Variants in ZNF536 observed in about 807,000 individuals in gnomAD.
The protein encoded by ZNF536 is zinc finger protein 536.
In ZNF536, 13 loss-of-function variants were observed where a neutral mutation model predicts 84.5. That is an observed-to-expected ratio of 0.15 (90% CI 0.10 to 0.24). ZNF536 has a LOEUF of 0.24. Ranked by LOEUF, ZNF536 falls within the 10% of genes least tolerant of loss-of-function variation. The pLI is 1.00. For missense variants in ZNF536, 1,536 were observed against 1,747.5 expected (o/e 0.88, Z 2.16); for synonymous variants, 811 against 742.5 (o/e 1.09, Z -1.50).
Position 30,445,005 on chromosome 19 carries a change from G to C in ZNF536, c.1443G>C (p.Pro481=). The C allele has an allele frequency of 1.2e-6, 2 of 1,611,566 alleles. No individual in the cohort carries two copies. Among genetic ancestry groups the C allele is most frequent in the Non-Finnish European group, 1.7e-6 (2 of 1,178,804 alleles). The change falls in exon 2 of 5, where the codon CCG becomes CCC. Residue 481 remains proline, a synonymous_variant. Transcript: ENST00000355537. This position sits in a 1 kb window ranked among gnomAD's most constrained non-coding sequence, Gnocchi z 4.5. ...SPISSMAHGV[P]EGDKHSLLGC... ...TCTCCAGCATGGCCCACGGCGTCCC[G>C]GAGGGGGACAAGCACTCCCTCCTGG... is the stretch of plus-strand genomic sequence containing the variant.
At chr19:30,623,020 G>GTTTTTTTTTTTTTTTTT (rs66483120) in intron 1 of ZNF536, among the ~76,000 whole-genome samples, 2 of 129,544 alleles carry the variant, frequency 1.5e-5, no homozygotes, top group African/African-American at 3.0e-5. Flanking sequence ...AAAATCTTGT[G>GTTTTTTTTTTTTTTTTT]TTTTTTTTTT....
chr19:30,476,957 G>T (rs971233329), intron 2 of ZNF536, among the ~76,000 whole-genome samples: 36 of 147,528 alleles, frequency 2.4e-4, no homozygotes, highest in Non-Finnish European at 4.4e-4. Context: ...TACTTGCTGG[G>T]TTTTTTTTTT....
At chr19:30,702,343 G>A (rs1349208712) in intron 1 of ZNF536, among the ~76,000 whole-genome samples, 2 of 152,154 alleles carry the variant, frequency 1.3e-5, no homozygotes, top group Non-Finnish European at 2.9e-5. Context: ...ACGGCTCTAC[G>A]GCGCAGCGAC....
chr19:30,526,019 A>G (rs2044560353), intron 2 of ZNF536, among the ~76,000 whole-genome samples: 1 of 152,192 alleles, frequency 6.6e-6, no homozygotes, highest in South Asian at 2.1e-4. Context: ...TGAATCTCTC[A>G]GACTCATTCT....
chr19:30,553,984 A>C (rs957969408), intron 4 of ZNF536: 13 of 152,114 alleles, frequency 8.5e-5, no homozygotes, highest in African/African-American at 2.9e-4. Context: ...CCAGCTTATC[A>C]TCCTCAGGTT....
At chr19:30,358,063 T>C (rs1206328314) in intron 3 of ZNF536, among the ~76,000 whole-genome samples, 7 of 152,034 alleles carry the variant, frequency 4.6e-5, no homozygotes, top group Non-Finnish European at 1.0e-4. Context: ...AGTTTAAGGG[T>C]AAAGAGTCTT....
rs530705752 is a variant in ZNF536, at chr19:30,634,539, C to A, written c.170-76218C>A. ...GGGTACCAGCCAGGGTCCACCATAC[C>A]CCTGGTCGGAGCAGTCCCTCAAGGG... On this transcript the variant is annotated intron_variant, in intron 1 of 1. Transcript: ENST00000592773. Among the ~76,000 whole-genome samples the A allele has an allele frequency of 1.4e-3, 216 of 152,152 alleles. 1 individual carries two copies. The highest frequency in any genetic ancestry group is 3.2e-4 in the Non-Finnish European group (22 of 67,994).
chr19:30,357,300 A>G (rs1338843700), intron 3 of ZNF536, among the ~76,000 whole-genome samples: 1 of 152,208 alleles, frequency 6.6e-6, no homozygotes, highest in African/African-American at 2.4e-5. Flanking sequence ...ATTGGAGCAG[A>G]AAGAACAGCA....
chr19:30,473,652 T>C (rs1013195249), intron 2 of ZNF536, among the ~76,000 whole-genome samples: 2 of 152,234 alleles, frequency 1.3e-5, no homozygotes, highest in Non-Finnish European at 2.9e-5. Context: ...CTCATATCCT[T>C]GGAGCCGCTA....
chr19:30,236,789 C>T lies in ZNF536; in HGVS notation c.-190+8116C>T, dbSNP rs182902563. On this transcript the variant is annotated intron_variant, in intron 1 of 5. Transcript: ENST00000585628. ...CCCATGACAGTGCCCTGGGATGTAA[C>T]GGATGGTGATATGGCTTGTCCTTTG... Among the ~76,000 whole-genome samples the T allele has an allele frequency of 3.1e-3, 466 of 152,204 alleles. 1 individual carries two copies. The highest frequency in any genetic ancestry group is 0.031 in the Middle Eastern group (9 of 294).
intron 2 of ZNF536, among the ~76,000 whole-genome samples, chr19:30,490,342 T>A (rs1174286522): frequency 6.6e-6 from 1 of 152,220 alleles, no homozygotes; most frequent in Admixed American, 6.5e-5. Flanking sequence ...GAGTCATACA[T>A]ATTCAAAATG....
intron 1 of ZNF536, among the ~76,000 whole-genome samples, chr19:30,432,018 T>TACAC (rs368404408): frequency 2.3e-4 from 33 of 145,700 alleles, no homozygotes; most frequent in African/African-American, 4.3e-4. Flanking sequence ...CACACACACA[T>TACAC]ACACACACAC....
intron 1 of ZNF536, among the ~76,000 whole-genome samples, chr19:30,237,906 C>A (rs1599842438): frequency 6.6e-6 from 1 of 152,134 alleles, no homozygotes; most frequent in East Asian, 1.9e-4. Flanking sequence ...TGTTTTAAAG[C>A]AGTGTAACAC....
At chr19:30,539,681 C>T (rs1224764153) in intron 3 of ZNF536, among the ~76,000 whole-genome samples, 10 of 152,294 alleles carry the variant, frequency 6.6e-5, no homozygotes, top group African/African-American at 1.2e-4. Flanking sequence ...CCTCCCTGTG[C>T]ACTACCTTGG....
intron 2 of ZNF536, among the ~76,000 whole-genome samples, chr19:30,335,484 CT>C (rs2047353533): frequency 6.6e-6 from 1 of 152,146 alleles, no homozygotes; most frequent in Admixed American, 6.5e-5. Flanking sequence ...ACGCCCACCC[CT>C]CTTCCCAGCA....
chr19:30,591,438 G>A (rs999397107), intron 1 of ZNF536, among the ~76,000 whole-genome samples: 7 of 152,206 alleles, frequency 4.6e-5, no homozygotes, highest in African/African-American at 1.2e-4. Flanking sequence ...CTTCCATGGC[G>A]GCAGGTGAGA....
chr19:30,698,756 G>A (rs1017730896), intron 1 of ZNF536, among the ~76,000 whole-genome samples: 1 of 152,138 alleles, frequency 6.6e-6, no homozygotes, highest in African/African-American at 2.4e-5. Context: ...TGTTTGTCTG[G>A]TTTCTCCACG....
intron 1 of ZNF536, among the ~76,000 whole-genome samples, chr19:30,390,424 C>A (rs895767273): frequency 6.6e-6 from 1 of 152,050 alleles, no homozygotes; most frequent in Non-Finnish European, 1.5e-5. Flanking sequence ...GGGTGGCAGG[C>A]AGCTGCAGGG....
chr19:30,584,614 C>T (rs888453286), intron 1 of ZNF536, among the ~76,000 whole-genome samples: 1 of 152,220 alleles, frequency 6.6e-6, no homozygotes, highest in Non-Finnish European at 1.5e-5. Flanking sequence ...CATGTCCAGC[C>T]TTCGGGATTA....
Sources: allele counts gnomAD v4.1 joint callset (sites outside exome capture counted in the v4.1 genomes callset), GRCh38; gene constraint gnomAD v4.1.1; non-coding constraint Gnocchi (gnomAD v3.1); transcripts MANE v1.5; gene names NCBI Gene and HGNC (gene_info 2026-07-23, HGNC 2026-07-21).